The following MCUB variants were observed in gnomAD, a reference collection of about 807,000 sequenced individuals.
MCUB encodes mitochondrial calcium uniporter dominant negative subunit beta.
Under a neutral mutation model 41.4 loss-of-function variants are expected in MCUB, and 46 were observed. The observed-to-expected ratio is 1.11, with a 90% CI of 0.88 to 1.42. The LOEUF is 1.42. MCUB is among the 40% of genes most tolerant of loss of function. The probability of loss-of-function intolerance (pLI) is 0.00; values close to 1 mark genes in which losing one functional copy is unlikely to be tolerated. For missense variants in MCUB, 403 were observed against 404.9 expected, an observed-to-expected ratio of 1.00 and a Z score of 0.04; for synonymous variants, 148 against 148.2, an observed-to-expected ratio of 1.00 and a Z score of 0.01.
intron 1 of MCUB, among the ~76,000 whole-genome samples, chr4:109,605,082 G>A (rs916985120): frequency 6.6e-6 from 1 of 152,042 alleles, no homozygotes; most frequent in Admixed American, 6.5e-5. Context: ...TCACAAGTTC[G>A]AGTAGGATTG....
At chr4:109,596,608 C>G (rs940167824) in intron 1 of MCUB, among the ~76,000 whole-genome samples, 2 of 152,130 alleles carry the variant, frequency 1.3e-5, no homozygotes, top group Admixed American at 6.5e-5. Context: ...ACGGTGCATC[C>G]CCATATCACT....
chr4:109,594,084 G>T (rs924235395), intron 1 of MCUB, among the ~76,000 whole-genome samples: 1 of 152,214 alleles, frequency 6.6e-6, no homozygotes, highest in African/African-American at 2.4e-5. Context: ...AAGAGGTATA[G>T]CCTTAGTTCT....
At chr4:109,583,244 C>T (rs915747544) in intron 1 of MCUB, among the ~76,000 whole-genome samples, 3 of 151,980 alleles carry the variant, frequency 2.0e-5, no homozygotes, top group African/African-American at 4.8e-5. Flanking sequence ...TTTGTTGAGC[C>T]GTGGTTTGTA....
In MCUB at chr4:109,688,704, T is replaced by G. The variant is rs967523291; in HGVS notation, c.*1112T>G. The G allele has an allele frequency of 6.6e-6, 1 of 152,132 alleles. No homozygotes were observed. 9.4% of individuals were successfully genotyped at this position (152,132 alleles called of 1,614,324 possible). A position where few individuals can be genotyped will look rare whatever the true frequency, so the allele number is the denominator to read the frequency against. On this transcript the variant is annotated 3_prime_UTR_variant, in exon 8 of 8. Coordinates refer to ENST00000394650, the MANE Select transcript of MCUB (RefSeq NM_017918.5). ...CCTTTAAAAACATCAAACAATAAAC[T>G]TTTATAAAAAAGTGACAAAATACAA...
intron 4 of MCUB, among the ~76,000 whole-genome samples, chr4:109,673,255 T>C (rs1579094381): frequency 6.6e-6 from 1 of 152,168 alleles, no homozygotes; most frequent in East Asian, 1.9e-4. Context: ...AACAAACAAG[T>C]GGAAATAGAT....
chr4:109,657,256 A>G (rs1449960373), intron 1 of MCUB, among the ~76,000 whole-genome samples: 1 of 151,744 alleles, frequency 6.6e-6, no homozygotes, highest in Non-Finnish European at 1.5e-5. Flanking sequence ...GCTCAAATGA[A>G]CAGTCTTAAT....
intron 4 of MCUB, among the ~76,000 whole-genome samples, chr4:109,668,218 C>G (rs1729387255): frequency 6.6e-6 from 1 of 152,044 alleles, no homozygotes; most frequent in African/African-American, 2.4e-5. Context: ...CTGTCCATTT[C>G]TAATAGAGGA....
chr4:109,566,597 T>C (rs867962342), intron 1 of MCUB, among the ~76,000 whole-genome samples: 1 of 152,214 alleles, frequency 6.6e-6, no homozygotes, highest in African/African-American at 2.4e-5. Context: ...CATTCTGACA[T>C]TGACAATATT....
intron 4 of MCUB, among the ~76,000 whole-genome samples, chr4:109,678,072 G>T (rs537282180): frequency 6.6e-6 from 1 of 151,814 alleles, no homozygotes; most frequent in Non-Finnish European, 1.5e-5. Context: ...ATCTTGCACC[G>T]CCCTTAATCC....
intron 1 of MCUB, among the ~76,000 whole-genome samples, chr4:109,641,885 C>T (rs940379129): frequency 3.8e-4 from 58 of 152,138 alleles, no homozygotes; most frequent in Non-Finnish European, 7.4e-5. Context: ...ATTTGTTTCC[C>T]AGTTTGGAAT....
intron 1 of MCUB, among the ~76,000 whole-genome samples, chr4:109,640,954 A>G (rs1342916733): frequency 1.3e-5 from 2 of 152,188 alleles, no homozygotes. Flanking sequence ...GATTTAAAGT[A>G]AGAGATATGC....
At chr4:109,600,338 A>G (rs987815196) in intron 1 of MCUB, among the ~76,000 whole-genome samples, 8 of 152,216 alleles carry the variant, frequency 5.3e-5, no homozygotes, top group Admixed American at 6.5e-5. Flanking sequence ...CCCAACAGAT[A>G]GAAGTAGGTA....
intron 1 of MCUB, among the ~76,000 whole-genome samples, chr4:109,626,419 G>A (rs1321040144): frequency 1.3e-5 from 2 of 152,052 alleles, no homozygotes; most frequent in African/African-American, 2.4e-5. Context: ...TAGTACATAG[G>A]TGCTATCATC....
rs142179331 is a variant in MCUB, at chr4:109,578,521, CTG to C, written c.99+18087_99+18088del. Among the ~76,000 whole-genome samples, 525 of 151,246 alleles carry C rather than the reference CTG, an allele frequency of 3.5e-3. 7 individuals carry two copies. The highest frequency in any genetic ancestry group is 0.013 in the East Asian group (69 of 5,136). ...TTTTTTTTTTTGAAACAGATTTACTCTGTTACCCAGGCTAGAGTCCAGAGATG... is the reference window on the plus strand; with the variant it reads ...TTTTTTTTTTTGAAACAGATTTACTCTTACCCAGGCTAGAGTCCAGAGATG... On this transcript the variant is annotated intron_variant, in intron 1 of 7. Transcript: ENST00000394650.
At chr4:109,683,775 G>A (rs1729769519) in intron 5 of MCUB, among the ~76,000 whole-genome samples, 1 of 152,184 alleles carries the variant, frequency 6.6e-6, no homozygotes, top group Non-Finnish European at 1.5e-5. Flanking sequence ...AATGGGTTTT[G>A]TGTATGCAGG....
chr4:109,622,831 T>C (rs1728279236), intron 1 of MCUB, among the ~76,000 whole-genome samples: 1 of 152,212 alleles, frequency 6.6e-6, no homozygotes. Flanking sequence ...GTTAGCAATA[T>C]GCAGTACAAT....
chr4:109,675,853 A>G (rs1348478708), intron 4 of MCUB, among the ~76,000 whole-genome samples: 3 of 152,192 alleles, frequency 2.0e-5, no homozygotes, highest in Non-Finnish European at 4.4e-5. Context: ...CCCTTTTGCC[A>G]TGGGATGATG....
At chr4:109,638,199 A>C (rs1226051169) in intron 1 of MCUB, among the ~76,000 whole-genome samples, 2 of 152,136 alleles carry the variant, frequency 1.3e-5, no homozygotes, top group Non-Finnish European at 2.9e-5. Flanking sequence ...CTACAAAAAA[A>C]TACAAAAATT....
chr4:109,566,182 A>T (rs1726770487), intron 1 of MCUB, among the ~76,000 whole-genome samples: 1 of 150,738 alleles, frequency 6.6e-6, no homozygotes, highest in Non-Finnish European at 1.5e-5. Context: ...TGAAAGGAAA[A>T]ACAGTGGCCG....
Sources: allele counts gnomAD v4.1 joint callset (sites outside exome capture counted in the v4.1 genomes callset), GRCh38; gene constraint gnomAD v4.1.1; transcripts MANE v1.5; gene names NCBI Gene and HGNC (gene_info 2026-07-23, HGNC 2026-07-21).